The following PALS2 variants were observed in gnomAD, a reference collection of about 807,000 sequenced individuals.
PALS2 encodes the protein protein PALS2.
Under a neutral mutation model 61.6 loss-of-function variants are expected in PALS2, and 27 were observed. The ratio of observed to expected loss-of-function variants is 0.44; its 90% CI spans 0.32 to 0.60. The LOEUF is 0.60. PALS2 is among the 20% of genes least tolerant of loss of function. The pLI is 0.05. For missense variants in PALS2, 554 were observed against 639.4 expected, an observed-to-expected ratio of 0.87 and a Z score of 1.44; for synonymous variants, 236 against 218.6, an observed-to-expected ratio of 1.08 and a Z score of -0.70.
chr7:24,608,995 C>T lies in PALS2; in HGVS notation c.-2-14671C>T, dbSNP rs555939389. Among the ~76,000 whole-genome samples, 21 of 152,266 alleles carry T rather than the reference C, an allele frequency of 1.4e-4. No individual in the cohort carries two copies. The South Asian group carries it at 4.4e-3, about 32-fold the overall frequency. ...TTGCTCCTTTGCTTCCTTTTAGTGA[C>T]TTGTTCTTTTATGAACACAGTAGCT... On this transcript the variant is annotated intron_variant, in intron 1 of 11. Transcript: ENST00000222644.
At chr7:24,684,161 G>A (rs1788078431) in intron 11 of PALS2, among the ~76,000 whole-genome samples, 1 of 151,732 alleles carries the variant, frequency 6.6e-6, no homozygotes, top group Non-Finnish European at 1.5e-5. Context: ...GTGCAGTGGT[G>A]CAGTCTCGAC....
At chr7:24,656,730 G>T (rs1481337584) in intron 5 of PALS2, among the ~76,000 whole-genome samples, 3 of 151,620 alleles carry the variant, frequency 2.0e-5, no homozygotes, top group East Asian at 1.9e-4. Flanking sequence ...ACAGGGTTTC[G>T]CTACATTGTC....
intron 5 of PALS2, among the ~76,000 whole-genome samples, chr7:24,662,252 T>A (rs1786760755): frequency 6.6e-6 from 1 of 152,200 alleles, no homozygotes; most frequent in Admixed American, 6.5e-5. Flanking sequence ...TTTGTATGCA[T>A]CGATCACAAT....
At chr7:24,595,368 A>G (rs1396047478) in intron 1 of PALS2, among the ~76,000 whole-genome samples, 1 of 146,780 alleles carries the variant, frequency 6.8e-6, no homozygotes, top group Non-Finnish European at 1.5e-5. Flanking sequence ...CTTGGGTGAT[A>G]TAGCTTTGAG....
intron 1 of PALS2, among the ~76,000 whole-genome samples, chr7:24,583,106 T>A (rs1364896264): frequency 6.6e-6 from 1 of 152,168 alleles, no homozygotes; most frequent in Middle Eastern, 3.4e-3. Flanking sequence ...TTGGCCAGGA[T>A]GGTCCTGAAC....
intron 11 of PALS2, among the ~76,000 whole-genome samples, chr7:24,685,748 T>C (rs1296006441): frequency 6.6e-6 from 1 of 152,080 alleles, no homozygotes; most frequent in South Asian, 2.1e-4. Context: ...TCAAAGATAT[T>C]TTAGCTGTTT....
chr7:24,663,984 G>C (rs1430429998), intron 6 of PALS2, among the ~76,000 whole-genome samples: 2 of 152,114 alleles, frequency 1.3e-5, no homozygotes, highest in Non-Finnish European at 2.9e-5. Context: ...TTTCACATGG[G>C]TAATTGCATT....
chr7:24,665,541 C>G (rs1163455685), intron 6 of PALS2, 47 bp from the exon 7 acceptor site: 1 of 1,553,536 alleles, frequency 6.4e-7, no homozygotes, highest in Admixed American at 1.7e-5. Flanking sequence ...AGAATATGGT[C>G]TCAAATTTTG....
At chr7:24,579,282 T>C (rs1782749356) in intron 1 of PALS2, among the ~76,000 whole-genome samples, 1 of 152,228 alleles carries the variant, frequency 6.6e-6, no homozygotes. Flanking sequence ...GAAGAGGCTA[T>C]TAGTTAACAG....
chr7:24,614,870 T>C (rs183045202), intron 1 of PALS2, among the ~76,000 whole-genome samples: 32 of 152,074 alleles, frequency 2.1e-4, no homozygotes, highest in Admixed American at 1.0e-3. Flanking sequence ...TGAGAAGTAC[T>C]GCCAACCACA....
intron 3 of PALS2, among the ~76,000 whole-genome samples, chr7:24,643,236 T>C (rs552448306): frequency 6.6e-6 from 1 of 152,200 alleles, no homozygotes; most frequent in South Asian, 2.1e-4. Context: ...AGCATCTAGG[T>C]TTTCAGGAAT....
At chr7:24,637,760 A>T (rs1358199855) in intron 2 of PALS2, among the ~76,000 whole-genome samples, 3 of 152,158 alleles carry the variant, frequency 2.0e-5, no homozygotes, top group African/African-American at 7.2e-5. Context: ...TTCTGAAAGA[A>T]CATTTTCTTC....
intron 2 of PALS2, among the ~76,000 whole-genome samples, chr7:24,628,153 AAAAGGCTTATCCACC>A (rs1784832092): frequency 1.3e-5 from 2 of 152,250 alleles, no homozygotes; most frequent in African/African-American, 4.8e-5. Context: ...GCAGCACATT[AAAAGGCTTATCCACC>A]ACGATCAAGT....
intron 5 of PALS2, among the ~76,000 whole-genome samples, chr7:24,662,032 A>G (rs1786746844): frequency 6.6e-6 from 1 of 152,294 alleles, no homozygotes; most frequent in African/African-American, 2.4e-5. Flanking sequence ...GCCAATTGTC[A>G]CACTTTAGCA....
chr7:24,611,669 G>A (rs1784117180), intron 1 of PALS2, among the ~76,000 whole-genome samples: 1 of 151,982 alleles, frequency 6.6e-6, no homozygotes, highest in African/African-American at 2.4e-5. Context: ...GTATGTCTTA[G>A]GAGAAGTTAT....
At chr7:24,604,580 G>A (rs1783831142) in intron 1 of PALS2, among the ~76,000 whole-genome samples, 1 of 152,270 alleles carries the variant, frequency 6.6e-6, no homozygotes, top group African/African-American at 2.4e-5. Flanking sequence ...TGAAGTAATA[G>A]TGGCCCCAAA....
intron 1 of PALS2, among the ~76,000 whole-genome samples, chr7:24,582,601 T>G (rs1006198738): frequency 6.6e-6 from 1 of 152,214 alleles, no homozygotes; most frequent in Non-Finnish European, 1.5e-5. Context: ...TATCTTTGAG[T>G]GGATTTGTCT....
At chr7:24,611,073 CTAG>C (rs1319040982) in intron 1 of PALS2, among the ~76,000 whole-genome samples, 8 of 152,142 alleles carry the variant, frequency 5.3e-5, no homozygotes, top group Admixed American at 5.2e-4. Flanking sequence ...TAGGCACGGC[CTAG>C]TATATTAAGA....
intron 3 of PALS2, among the ~76,000 whole-genome samples, chr7:24,645,597 C>T (rs1274873811): frequency 3.9e-5 from 6 of 151,946 alleles, no homozygotes; most frequent in African/African-American, 1.2e-4. Flanking sequence ...CTTGGCTATT[C>T]GGGCCCTTTT....
Sources: gnomAD v4.1 joint callset for allele counts (sites outside exome capture counted in the v4.1 genomes callset) on GRCh38, gnomAD v4.1.1 for gene constraint, MANE v1.5 for transcripts, NCBI Gene and HGNC (gene_info 2026-07-23, HGNC 2026-07-21) for gene names.